ACCSL: variants seen among roughly 807,000 people sequenced by gnomAD.
ACCSL encodes probable inactive 1-aminocyclopropane-1-carboxylate synthase-like protein 2.
ACCSL carries 55 observed loss-of-function variants against 61.7 expected under a neutral mutation model. The ratio of observed to expected loss-of-function variants is 0.89; its 90% CI spans 0.72 to 1.12. The LOEUF (loss-of-function observed/expected upper bound fraction) is 1.12. Ranked by LOEUF, ACCSL falls within the 50% of genes most tolerant of loss-of-function variation. The probability of loss-of-function intolerance (pLI) is 0.00; values close to 1 mark genes in which losing one functional copy is unlikely to be tolerated. For synonymous variants in ACCSL, 258 were observed against 264.3 expected (o/e 0.98, Z 0.23); for missense variants, 632 against 698.0 (o/e 0.91, Z 1.07).
At chr11:44,043,884 C>T (rs921414185), upstream of ACCSL, among the ~76,000 whole-genome samples, 3 of 151,990 alleles carry the variant, frequency 2.0e-5, no homozygotes, top group Non-Finnish European at 2.9e-5. Flanking sequence ...AATTTTCTTT[C>T]CATTTTTAAA....
At chr11:43,950,891 A>C in the ACCSL span, among the ~76,000 whole-genome samples, 1 of 152,258 alleles carries the variant, frequency 6.6e-6, no homozygotes, top group Non-Finnish European at 1.5e-5. Flanking sequence ...ACAAATAAGC[A>C]GAAATTAGTA....
chr11:44,019,409 C>A, the ACCSL span, among the ~76,000 whole-genome samples: 1 of 152,198 alleles, frequency 6.6e-6, no homozygotes, highest in Non-Finnish European at 1.5e-5. Flanking sequence ...TATGAAGGTT[C>A]TGATTTTTCC....
chr11:44,057,665 G>A (rs575405572), intron 11 of ACCSL, among the ~76,000 whole-genome samples: 19 of 152,142 alleles, frequency 1.2e-4, no homozygotes, highest in Non-Finnish European at 2.1e-4. Flanking sequence ...GCTCAAATTC[G>A]GGTGGTAGGA....
At chr11:43,992,785 A>G in the ACCSL span, among the ~76,000 whole-genome samples, 1 of 152,244 alleles carries the variant, frequency 6.6e-6, no homozygotes, top group Non-Finnish European at 1.5e-5. Context: ...TAGGTGCAGT[A>G]ACAAATAGAC....
chr11:43,957,743 A>C, the ACCSL span, among the ~76,000 whole-genome samples: 24 of 152,144 alleles, frequency 1.6e-4, no homozygotes, highest in Non-Finnish European at 7.3e-5. Flanking sequence ...TGCTACAAAG[A>C]GTGTTTTGTC....
At chr11:43,978,783 GTTTTTTTTTTT>G in the ACCSL span, among the ~76,000 whole-genome samples, 18 of 79,114 alleles carry the variant, frequency 2.3e-4, no homozygotes, top group African/African-American at 7.7e-4. Context: ...GAGAAGGTGG[GTTTTTTTTTTT>G]TTTTTTTTTT....
chr11:44,043,725 T>G (rs1565156547), upstream of ACCSL, among the ~76,000 whole-genome samples: 1 of 152,232 alleles, frequency 6.6e-6, no homozygotes, highest in Non-Finnish European at 1.5e-5. Flanking sequence ...TTACTTTCTC[T>G]TGTCTTCATG....
chr11:43,963,839 C>T, the ACCSL span, among the ~76,000 whole-genome samples: 3 of 152,234 alleles, frequency 2.0e-5, no homozygotes, highest in African/African-American at 7.2e-5. Flanking sequence ...GCTATACCTG[C>T]ATTTAATTTG....
the ACCSL span, among the ~76,000 whole-genome samples, chr11:44,027,435 A>C: frequency 0.4 from 60,988 of 152,096 alleles, 12,729 homozygotes; most frequent in Admixed American, 0.42. Flanking sequence ...GCTTTCTTAT[A>C]TGTAAAGTAA....
At chr11:44,000,438 T>A in the ACCSL span, among the ~76,000 whole-genome samples, 35,210 of 141,452 alleles carry the variant, frequency 0.25, 4,660 homozygotes, top group East Asian at 0.39. Context: ...GTCTCTATTT[T>A]AAAAAAAAAA....
the ACCSL span, among the ~76,000 whole-genome samples, chr11:43,931,671 G>A: frequency 6.6e-6 from 1 of 152,218 alleles, no homozygotes. Flanking sequence ...TTAAGGGTGA[G>A]ATGATAGGCA....
At chr11:43,985,781 G>A in the ACCSL span, among the ~76,000 whole-genome samples, 1 of 152,242 alleles carries the variant, frequency 6.6e-6, no homozygotes, top group Admixed American at 6.5e-5. Context: ...CAGGCTGGGC[G>A]CAGTGGCTCA....
At chr11:43,973,276 AT>A in the ACCSL span, among the ~76,000 whole-genome samples, 1 of 152,208 alleles carries the variant, frequency 6.6e-6, no homozygotes, top group Non-Finnish European at 1.5e-5. Flanking sequence ...CAAATAAGTA[AT>A]TGTTGTGTAA....
chr11:43,960,273 A>T, the ACCSL span, among the ~76,000 whole-genome samples: 9,951 of 152,314 alleles, frequency 0.065, 347 homozygotes, highest in South Asian at 0.1. Flanking sequence ...AAAGTGGCTG[A>T]GTCCACTGAA....
upstream of ACCSL, among the ~76,000 whole-genome samples, chr11:44,046,022 T>C (rs570227392): frequency 3.9e-5 from 6 of 152,300 alleles, no homozygotes; most frequent in East Asian, 1.2e-3. Flanking sequence ...CACCACCTTT[T>C]GGAAGGCAAA....
the ACCSL span, among the ~76,000 whole-genome samples, chr11:44,004,918 T>A: frequency 6.6e-6 from 1 of 152,088 alleles, no homozygotes; most frequent in African/African-American, 2.4e-5. Context: ...GGATGCAACT[T>A]CCTAGCAGGG....
chr11:43,940,433 G>A, the ACCSL span, among the ~76,000 whole-genome samples: 4 of 150,450 alleles, frequency 2.7e-5, no homozygotes, highest in Non-Finnish European at 5.9e-5. Context: ...TCGGCTCACT[G>A]CAAGCTCCAC....
the ACCSL span, among the ~76,000 whole-genome samples, chr11:44,020,623 AT>A: frequency 5.2e-4 from 79 of 151,488 alleles, no homozygotes; most frequent in African/African-American, 1.7e-3. Flanking sequence ...CATTATATTG[AT>A]TTTTTTTCTT....
chr11:43,974,330 C>G, the ACCSL span, among the ~76,000 whole-genome samples: 1 of 152,152 alleles, frequency 6.6e-6, no homozygotes, highest in South Asian at 2.1e-4. Context: ...GCTAGCAATC[C>G]TTGGCATTCC....
Sources: gnomAD v4.1 joint callset for allele counts (sites outside exome capture counted in the v4.1 genomes callset) on GRCh38, gnomAD v4.1.1 for gene constraint, MANE v1.5 for transcripts, NCBI Gene and HGNC (gene_info 2026-07-23, HGNC 2026-07-21) for gene names.